OR6F1: variants seen among roughly 807,000 people sequenced by gnomAD.
OR6F1 encodes the protein olfactory receptor 6F1.
For synonymous variants in OR6F1, 144 were observed against 150.0 expected, an observed-to-expected ratio of 0.96 and a Z score of 0.29; for missense variants, 346 against 376.0, an observed-to-expected ratio of 0.92 and a Z score of 0.66.
Position 247,712,674 on chromosome 1 carries a change from A to G in OR6F1, c.82T>C (p.Phe28Leu). The G allele has an allele frequency of 6.2e-7, 1 of 1,613,052 alleles. No individual in the cohort carries two copies. Among genetic ancestry groups the G allele is most frequent in the East Asian group, 2.2e-5 (1 of 44,870 alleles). ...ATGTACATCACCAGAAAAAGCATAA[A>G]GAGAGAGAGCTGAAGAGTTTGAGAA... ...PGSQTLQLSLFMLFLVMYILT... is the reference protein window; with the variant it reads ...PGSQTLQLSLLMLFLVMYILT... The change falls in exon 3 of 3, where the codon TTT becomes CTT. Residue 28 changes from phenylalanine (F) to leucine (L), a missense_variant. Coordinates refer to ENST00000641470, the MANE Select transcript of OR6F1 (RefSeq NM_001005286.2).
rs774788861 is a variant in OR6F1 at position 247,712,684 on chromosome 1, C to T, written c.72G>A (p.Gln24=). 3 of 1,612,318 alleles carry T rather than the reference C, an allele frequency of 1.9e-6. No individual in the cohort carries two copies. Among genetic ancestry groups the T allele is most frequent in the Non-Finnish European group, 2.5e-6 (3 of 1,179,754 alleles). ...CCAGAAAAAGCATAAAGAGAGAGAGCTGAAGAGTTTGAGAACCAGGAAAGC... is the reference window on the plus strand; with the variant it reads ...CCAGAAAAAGCATAAAGAGAGAGAGTTGAAGAGTTTGAGAACCAGGAAAGC... ...LLGFPGSQTL[Q]LSLFMLFLVM... is the part of the protein sequence containing the mutation. The change falls in exon 3 of 3, where the codon CAG becomes CAA. Residue 24 remains glutamine, a synonymous_variant. Transcript: ENST00000641470.
At chr1:247,712,895 C>A in intron 2 of OR6F1, 78 bp from the exon 3 acceptor site, 1 of 567,048 alleles carries the variant, frequency 1.8e-6, no homozygotes. Context: ...ATGTAACTTT[C>A]ATTGAATGCC....
rs779408792 is a variant in OR6F1 at position 247,712,208 on chromosome 1, G to A, written c.548C>T (p.Pro183Leu). 32 of 1,614,054 alleles carry A rather than the reference G, an allele frequency of 2.0e-5. No individual in the cohort carries two copies. The East Asian group carries it at 6.9e-4, about 35-fold the overall frequency. Residue 183 changes from proline to leucine, a missense_variant, in exon 3 of 3, where the codon CCC (proline) becomes CTC (leucine). Physicochemically the swap from Pro to Leu is moderately conservative, Grantham distance 98. Transcript: ENST00000641470. Reference sequence around the variant, plus strand: ...GTTGGTGCAGGCCAGGGCAATCCAGGGTGCAATGTCACAGAAGAAGTGGTT... The same window carrying A: ...GTTGGTGCAGGCCAGGGCAATCCAGAGTGCAATGTCACAGAAGAAGTGGTT... ...AINHFFCDIAPWIALACTNTQ... is the reference protein window; with the variant it reads ...AINHFFCDIALWIALACTNTQ...
intron 1 of OR6F1, among the ~76,000 whole-genome samples, chr1:247,714,252 C>T (rs1399877091): frequency 1.3e-5 from 2 of 152,062 alleles, no homozygotes; most frequent in African/African-American, 4.8e-5. Context: ...TCTCTGGCCG[C>T]CCCCTTTCTA....
rs771353632 is a variant in OR6F1, at chr1:247,712,191, A to G, written c.565T>C (p.Cys189Arg). 6.2e-7 allele frequency: 1 copy of G among 1,614,212 alleles called. No individual in the cohort carries two copies. Among genetic ancestry groups the G allele is most frequent in the East Asian group, 2.2e-5 (1 of 44,874 alleles). ...CDIAPWIALA[C>R]TNTQAVELVA... ...AGCTCTACTGCCTGTGTGTTGGTGC[A>G]GGCCAGGGCAATCCAGGGTGCAATG... The change falls in exon 3 of 3, where the codon TGC becomes CGC. Residue 189 changes from cysteine (C) to arginine (R), a missense_variant. Cys to Arg is a radical substitution (Grantham distance 180, BLOSUM62 -3). Transcript: ENST00000641470.
Position 247,712,115 on chromosome 1 carries a change from G to A in OR6F1, c.641C>T (p.Thr214Ile). 6.2e-7 allele frequency: 1 copy of A among 1,614,226 alleles called. No individual in the cohort carries two copies. Among genetic ancestry groups the A allele is most frequent in the Non-Finnish European group, 8.5e-7 (1 of 1,180,034 alleles). ...GATGATGTACACATAGGAGACAAAG[G>A]TGATGAGGCATGAACTCAGGATAAC... ...VVVILSSCLI[T>I]FVSYVYIIST... The change falls in exon 3 of 3, where the codon ACC (threonine) becomes ATC (isoleucine). Residue 214 changes from threonine (T) to isoleucine (I), a missense_variant. Thr to Ile is a moderately conservative substitution (Grantham distance 89). Transcript: ENST00000641470.
chr1:247,712,040 G>A lies in OR6F1; in HGVS notation c.716C>T (p.Ser239Phe). 3 of 1,614,150 alleles carry A rather than the reference G, an allele frequency of 1.9e-6. No homozygotes were observed. The highest frequency in any genetic ancestry group is 2.5e-6 in the Non-Finnish European group (3 of 1,179,968). ...PSASGRSKAF[S>F]TCSSHLTVVL... Reference sequence around the variant, plus strand: ...CACGGTGAGATGCGAGGAGCACGTGGAGAAGGCTTTGCTCCGGCCACTGGC... The same window carrying A: ...CACGGTGAGATGCGAGGAGCACGTGAAGAAGGCTTTGCTCCGGCCACTGGC... Residue 239 changes from serine (S) to phenylalanine (F), a missense_variant, in exon 3 of 3, where the codon TCC becomes TTC. Transcript: ENST00000641470.
At chr1:247,714,018 T>C (rs1386556363) in intron 1 of OR6F1, 64 bp from the exon 2 acceptor site, 2 of 398,396 alleles carry the variant, frequency 5.0e-6, no homozygotes, top group Non-Finnish European at 8.8e-6. Flanking sequence ...CTATGGTTTT[T>C]CATTTCATAT....
In OR6F1 at chr1:247,712,193, G is replaced by A; in HGVS notation, c.563C>T (p.Ala188Val). Residue 188 changes from alanine to valine, a missense_variant, in exon 3 of 3, where the codon GCC becomes GTC. Transcript: ENST00000641470. The stretch of plus-strand genomic sequence containing the variant: ...CTCTACTGCCTGTGTGTTGGTGCAG[G>A]CCAGGGCAATCCAGGGTGCAATGTC... ...FCDIAPWIALACTNTQAVELV... is the reference protein window; with the variant it reads ...FCDIAPWIALVCTNTQAVELV... The A allele has an allele frequency of 6.2e-7, 1 of 1,614,174 alleles. No homozygotes were observed. The highest frequency in any genetic ancestry group is 8.5e-7 in the Non-Finnish European group (1 of 1,180,008).
At chr1:247,715,836 T>C (rs1163825998) in intron 1 of OR6F1, among the ~76,000 whole-genome samples, 2 of 152,190 alleles carry the variant, frequency 1.3e-5, no homozygotes, top group Non-Finnish European at 2.9e-5. Flanking sequence ...TATTTTTTCA[T>C]AGAAACATGC....
At chr1:247,713,594 T>G (rs1387524338) in intron 2 of OR6F1, among the ~76,000 whole-genome samples, 1 of 152,180 alleles carries the variant, frequency 6.6e-6, no homozygotes, top group African/African-American at 2.4e-5. Flanking sequence ...ATAGAGTCTG[T>G]AAATTCGAAG....
In OR6F1 at chr1:247,712,556, G is replaced by A. The variant is rs1313686561; in HGVS notation, c.200C>T (p.Ser67Phe). The A allele has an allele frequency of 2.5e-6, 4 of 1,614,100 alleles. No individual in the cohort carries two copies. The highest frequency in any genetic ancestry group is 8.5e-7 in the Non-Finnish European group (1 of 1,179,942). Residue 67 changes from serine to phenylalanine, a missense_variant, in exon 3 of 3, where the codon TCC becomes TTC. By Grantham distance (155) the Ser-to-Phe change is radical. Transcript: ENST00000641470. Reference protein sequence around the residue: ...TPMYFFLSNLSFLEIWYTTAA... With the variant: ...TPMYFFLSNLFFLEIWYTTAA... ...TGTGGTATACCAAATCTCCAGGAAG[G>A]AGAGGTTGCTCAGAAAGAAGTACAT...
chr1:247,712,356 C>T lies in OR6F1; in HGVS notation c.400G>A (p.Ala134Thr), dbSNP rs1414571319. ...GCTGAGAGCAGGCTACTCATGATGGCTCCGTAGTGTAAAGGATAGCAGATG... is the reference window on the plus strand; with the variant it reads ...GCTGAGAGCAGGCTACTCATGATGGTTCCGTAGTGTAAAGGATAGCAGATG... ...LAICYPLHYG[A>T]IMSSLLSAQL... is the part of the protein sequence containing the mutation. The change falls in exon 3 of 3, where the codon GCC becomes ACC. Residue 134 changes from alanine (A) to threonine (T), a missense_variant. Ala to Thr is a moderately conservative substitution (Grantham distance 58). Transcript: ENST00000641470. 2 of 1,614,110 alleles carry T rather than the reference C, an allele frequency of 1.2e-6. No homozygotes were observed.
At chr1:247,713,278 A>G (rs1305670240) in intron 2 of OR6F1, among the ~76,000 whole-genome samples, 1 of 152,222 alleles carries the variant, frequency 6.6e-6, no homozygotes, top group African/African-American at 2.4e-5. Context: ...TAGCTTCTAA[A>G]TTGATCTAAT....
At chr1:247,713,496 T>C (rs1365754666) in intron 2 of OR6F1, among the ~76,000 whole-genome samples, 5 of 152,150 alleles carry the variant, frequency 3.3e-5, no homozygotes, top group South Asian at 4.1e-4. Flanking sequence ...TGGAAGTGAG[T>C]ACACTGAAAG....
chr1:247,714,710 A>G (rs1660077358), intron 1 of OR6F1, among the ~76,000 whole-genome samples: 1 of 152,128 alleles, frequency 6.6e-6, no homozygotes, highest in Non-Finnish European at 1.5e-5. Context: ...TCATTACCCT[A>G]ATACAGAAAA....
chr1:247,715,735 C>T (rs923270004), intron 1 of OR6F1, among the ~76,000 whole-genome samples: 1 of 151,850 alleles, frequency 6.6e-6, no homozygotes, highest in South Asian at 2.1e-4. Flanking sequence ...TTATATAAGT[C>T]GATTGAATTT....
chr1:247,712,244 G>A lies in OR6F1; in HGVS notation c.512C>T (p.Pro171Leu), dbSNP rs1264709316. The A allele has an allele frequency of 6.2e-7, 1 of 1,614,214 alleles. No individual in the cohort carries two copies. The highest frequency in any genetic ancestry group is 1.1e-5 in the South Asian group (1 of 91,078). The change falls in exon 3 of 3, where the codon CCC becomes CTC. Residue 171 changes from proline to leucine, a missense_variant. Physicochemically the swap from Pro to Leu is moderately conservative, Grantham distance 98. Transcript: ENST00000641470. ...ALISGLSFCG[P>L]RAINHFFCDI... is the part of the protein sequence containing the mutation. ...ACAGAAGAAGTGGTTGATGGCACGG[G>A]GGCCACAGAAGGACAGGCCACTGAT...
chr1:247,712,748 G>C lies in OR6F1; in HGVS notation c.8C>G (p.Thr3Arg). The C allele has an allele frequency of 6.3e-7, 1 of 1,597,386 alleles. No individual in the cohort carries two copies. Among genetic ancestry groups the C allele is most frequent in the Non-Finnish European group, 8.5e-7 (1 of 1,176,268 alleles). The change falls in exon 3 of 3, where the codon ACA (threonine) becomes AGA (arginine). Residue 3 changes from threonine (T) to arginine (R), a missense_variant. Physicochemically the swap from Thr to Arg is moderately conservative, Grantham distance 71. Transcript: ENST00000641470. ...GTCCTGGGGCAGAGTTTTGTTGCCTGTGTCCATTGTGGTACTGAAACCAGA... is the reference window on the plus strand; with the variant it reads ...GTCCTGGGGCAGAGTTTTGTTGCCTCTGTCCATTGTGGTACTGAAACCAGA... Reference protein sequence around the residue: MDTGNKTLPQDFL... With the variant: MDRGNKTLPQDFL...
Sources: allele counts gnomAD v4.1 joint callset (sites outside exome capture counted in the v4.1 genomes callset), GRCh38; gene constraint gnomAD v4.1.1; transcripts MANE v1.5; gene names NCBI Gene and HGNC (gene_info 2026-07-23, HGNC 2026-07-21).